Variants in MOB3B observed in about 807,000 individuals in gnomAD.
MOB3B encodes MOB kinase activator 3B, also known as MOB kinase activator-like 2B.
A neutral mutation model predicts 18.7 loss-of-function variants in MOB3B; 7 were observed. The ratio of observed to expected loss-of-function variants is 0.37; its 90% CI spans 0.21 to 0.70. MOB3B has a LOEUF of 0.70. MOB3B is among the 30% of genes least tolerant of loss of function. The probability of loss-of-function intolerance (pLI) is 0.52; values close to 1 mark genes in which losing one functional copy is unlikely to be tolerated. For missense variants in MOB3B, 253 were observed against 281.3 expected, an observed-to-expected ratio of 0.90 and a Z score of 0.72; for synonymous variants, 111 against 99.9, an observed-to-expected ratio of 1.11 and a Z score of -0.66.
chr9:27,358,120 G>A (rs1821221595), intron 3 of MOB3B, among the ~76,000 whole-genome samples: 1 of 151,922 alleles, frequency 6.6e-6, no homozygotes, highest in Non-Finnish European at 1.5e-5. Context: ...TAAAGAGAAA[G>A]GGATAAAGGG....
intron 3 of MOB3B, among the ~76,000 whole-genome samples, chr9:27,355,245 A>G (rs1320203385): frequency 1.3e-5 from 2 of 152,156 alleles, no homozygotes; most frequent in Non-Finnish European, 1.5e-5. Flanking sequence ...GGTGGAGGCA[A>G]GGCAGAGGGA....
At chr9:27,518,141 C>T (rs1172753977) in intron 1 of MOB3B, among the ~76,000 whole-genome samples, 2 of 152,200 alleles carry the variant, frequency 1.3e-5, no homozygotes, top group Non-Finnish European at 2.9e-5. Context: ...TCAGAAATGT[C>T]AAGAAACCTT....
intron 2 of MOB3B, chr9:27,378,309 A>T: frequency 2.1e-6 from 1 of 469,420 alleles, no homozygotes; most frequent in South Asian, 1.5e-5. Flanking sequence ...GGTCATAAGG[A>T]TGGATGCTGC....
intron 2 of MOB3B, among the ~76,000 whole-genome samples, chr9:27,422,954 A>G (rs977660772): frequency 2.0e-5 from 3 of 152,224 alleles, no homozygotes; most frequent in African/African-American, 7.2e-5. Flanking sequence ...TCAATAGTCA[A>G]TCTGGAAAGA....
At chr9:27,392,221 A>G (rs974605203) in intron 2 of MOB3B, among the ~76,000 whole-genome samples, 1 of 152,198 alleles carries the variant, frequency 6.6e-6, no homozygotes, top group Non-Finnish European at 1.5e-5. Context: ...TTTTGGTGGA[A>G]TTCAAATAAA....
intron 2 of MOB3B, among the ~76,000 whole-genome samples, chr9:27,443,313 C>A (rs1822623414): frequency 6.6e-6 from 1 of 152,164 alleles, no homozygotes; most frequent in South Asian, 2.1e-4. Context: ...AAATATACAT[C>A]AACTCTCCCA....
intron 2 of MOB3B, among the ~76,000 whole-genome samples, chr9:27,359,756 A>G (rs1821246943): frequency 6.6e-6 from 1 of 152,130 alleles, no homozygotes. Context: ...GAGGAAGGTA[A>G]GAGTTGGGAG....
At chr9:27,450,154 G>T (rs1563871736) in intron 2 of MOB3B, among the ~76,000 whole-genome samples, 1 of 152,108 alleles carries the variant, frequency 6.6e-6, no homozygotes, top group African/African-American at 2.4e-5. Flanking sequence ...CATCGGAAAG[G>T]TTACCAAAGG....
chr9:27,526,750 A>G (rs1402031609), intron 1 of MOB3B, among the ~76,000 whole-genome samples: 1 of 152,258 alleles, frequency 6.6e-6, no homozygotes, highest in African/African-American at 2.4e-5. Flanking sequence ...ATCACAAAGG[A>G]AGAAATACTA....
chr9:27,359,021 T>C lies in MOB3B; in HGVS notation c.621+13A>G. On this transcript the variant is annotated intron_variant, in intron 3 of 3. Coordinates refer to ENST00000262244, the MANE Select transcript of MOB3B (RefSeq NM_024761.5). ...GGGTGACTTGGATACCATTATTTCA[T>C]GGTGTCACTTACCAAAGGCTCTAGC... The C allele has an allele frequency of 6.2e-7, 1 of 1,613,576 alleles. No individual in the cohort carries two copies. Among genetic ancestry groups the C allele is most frequent in the Non-Finnish European group, 8.5e-7 (1 of 1,179,442 alleles).
At chr9:27,392,913 G>A (rs1399737262) in intron 2 of MOB3B, among the ~76,000 whole-genome samples, 2 of 152,116 alleles carry the variant, frequency 1.3e-5, no homozygotes, top group Non-Finnish European at 2.9e-5. Flanking sequence ...CACATTCCCT[G>A]GTTTTGTCTT....
At chr9:27,378,361 T>TACTCTC (rs1821521840) in intron 2 of MOB3B, 1 of 471,604 alleles carries the variant, frequency 2.1e-6, no homozygotes, top group African/African-American at 2.0e-5. Flanking sequence ...GCTGCTCACC[T>TACTCTC]ACTCTCCAGC....
chr9:27,403,806 A>G (rs767051362), intron 2 of MOB3B, among the ~76,000 whole-genome samples: 23 of 152,032 alleles, frequency 1.5e-4, no homozygotes, highest in Non-Finnish European at 2.9e-4. Context: ...ATTGTTATGG[A>G]TACATAATAG....
At chr9:27,480,105 T>A (rs1473659685) in intron 1 of MOB3B, among the ~76,000 whole-genome samples, 1 of 151,278 alleles carries the variant, frequency 6.6e-6, no homozygotes, top group East Asian at 1.9e-4. Flanking sequence ...TCATATAATA[T>A]TTTCAGGGGA....
At chr9:27,417,753 G>T (rs1822174937) in intron 2 of MOB3B, among the ~76,000 whole-genome samples, 1 of 152,112 alleles carries the variant, frequency 6.6e-6, no homozygotes, top group Non-Finnish European at 1.5e-5. Context: ...CAACCCTCTG[G>T]GGTTAGAAAA....
Position 27,455,206 on chromosome 9 carries a change from G to C in MOB3B, c.345C>G (p.Pro115=), listed in dbSNP as rs1303403904. Residue 115 remains proline (P), a synonymous_variant, in exon 2 of 4, where the codon CCC becomes CCG. Transcript: ENST00000262244. ...KYKKPTALPA[P]QYMNLLMDWI... ...AATCCATAAGAAGGTTCATGTACTG[G>C]GGAGCTGGCAGCGCTGTTGGCTTCT... The C allele has an allele frequency of 2.5e-6, 4 of 1,614,120 alleles. No homozygotes were observed. Among genetic ancestry groups the C allele is most frequent in the Non-Finnish European group, 3.4e-6 (4 of 1,180,012 alleles).
At chr9:27,397,705 T>G (rs1229880233) in intron 2 of MOB3B, 1 of 152,258 alleles carries the variant, frequency 6.6e-6, no homozygotes, top group African/African-American at 2.4e-5. Flanking sequence ...TATACTAATC[T>G]TCTATGTACA....
chr9:27,496,060 A>G (rs1328915859), intron 1 of MOB3B, among the ~76,000 whole-genome samples: 1 of 152,220 alleles, frequency 6.6e-6, no homozygotes, highest in African/African-American at 2.4e-5. Flanking sequence ...CTCTATGCTA[A>G]TCACTTTAAA....
chr9:27,403,516 A>ATTTTTTTTTTTTTT (rs74178385), intron 2 of MOB3B, among the ~76,000 whole-genome samples: 4 of 79,624 alleles, frequency 5.0e-5, no homozygotes, highest in African/African-American at 4.5e-5. Flanking sequence ...CTCTTTACTA[A>ATTTTTTTTTTTTTT]TTTTTTTTTT....
Sources: allele counts gnomAD v4.1 joint callset (sites outside exome capture counted in the v4.1 genomes callset), GRCh38; gene constraint gnomAD v4.1.1; transcripts MANE v1.5; gene names NCBI Gene and HGNC (gene_info 2026-07-23, HGNC 2026-07-21).